DNAH12: variants seen among roughly 807,000 people sequenced by gnomAD.
The protein encoded by DNAH12 is dynein axonemal heavy chain 12.
DNAH12 carries 285 observed loss-of-function variants against 371.5 expected under a neutral mutation model. The observed-to-expected ratio is 0.77, with a 90% confidence interval of 0.70 to 0.85. The LOEUF is 0.85. Among genes scored for constraint, DNAH12 ranks in the 40% least tolerant of loss-of-function variants. The pLI is 0.00. For synonymous variants in DNAH12, 1,200 were observed against 1,213.0 expected, an observed-to-expected ratio of 0.99 and a Z score of 0.22; for missense variants, 3,611 against 3,689.4, an observed-to-expected ratio of 0.98 and a Z score of 0.55.
At chr3:57,302,564 TGTA>T (rs1264422650) in intron 69 of DNAH12, among the ~76,000 whole-genome samples, 39 of 84,192 alleles carry the variant, frequency 4.6e-4, no homozygotes, top group Non-Finnish European at 5.9e-4. Flanking sequence ...TATATATATA[TGTA>T]TTTTTTTTTT....
At chr3:57,545,161 C>CTTTT (rs573945458), upstream of DNAH12, among the ~76,000 whole-genome samples, 1 of 136,538 alleles carries the variant, frequency 7.3e-6, no homozygotes. Flanking sequence ...AATAATGTGA[C>CTTTT]TTTTTTTTTT....
Position 57,540,207 on chromosome 3 carries a change from C to T in DNAH12, c.170+2494G>A, listed in dbSNP as rs149171969. On this transcript the variant is annotated intron_variant, in intron 2 of 73. Transcript: ENST00000495027. ...CTGGGATTACAGATGCCCGCCAAGACGCCTGGCTAATTTTTGTATTTTTAG... is the reference window on the plus strand; with the variant it reads ...CTGGGATTACAGATGCCCGCCAAGATGCCTGGCTAATTTTTGTATTTTTAG... Among the ~76,000 whole-genome samples the T allele has an allele frequency of 3.2e-3, 493 of 152,070 alleles. 3 individuals are homozygous for T. Among genetic ancestry groups the T allele is most frequent in the Middle Eastern group, 0.014 (4 of 294 alleles).
chr3:57,319,672 C>T (rs1282941993), intron 65 of DNAH12, among the ~76,000 whole-genome samples: 1 of 152,122 alleles, frequency 6.6e-6, no homozygotes, highest in African/African-American at 2.4e-5. Flanking sequence ...CTCCACCTCA[C>T]AGGCTCAAGC....
chr3:57,508,580 A>C (rs1334588656), intron 6 of DNAH12, 40 bp from the exon 7 acceptor site: 1 of 1,583,680 alleles, frequency 6.3e-7, no homozygotes, highest in South Asian at 1.2e-5. Context: ...GATGAAAATA[A>C]TACACCCTAA....
intron 17 of DNAH12, among the ~76,000 whole-genome samples, chr3:57,464,671 T>A (rs141490652): frequency 2.0e-5 from 3 of 152,278 alleles, no homozygotes; most frequent in East Asian, 3.9e-4. Context: ...TAACTGACTC[T>A]AACCAGACAG....
At chr3:57,361,757 A>C (rs1409792344) in intron 58 of DNAH12, among the ~76,000 whole-genome samples, 2 of 151,996 alleles carry the variant, frequency 1.3e-5, no homozygotes, top group African/African-American at 2.4e-5. Context: ...GAATGAACCC[A>C]AGTATCCTGC....
intron 62 of DNAH12, among the ~76,000 whole-genome samples, chr3:57,327,548 A>G (rs1404829374): frequency 6.6e-6 from 1 of 152,208 alleles, no homozygotes; most frequent in East Asian, 1.9e-4. Context: ...TCTCTGGGAC[A>G]CATTCAAAGC....
intron 2 of DNAH12, among the ~76,000 whole-genome samples, chr3:57,533,907 G>A (rs2068936994): frequency 6.6e-6 from 1 of 152,216 alleles, no homozygotes; most frequent in Non-Finnish European, 1.5e-5. Context: ...CACTGGATCT[G>A]AGCTCAGCTC....
chr3:57,477,784 A>C (rs553637272), intron 13 of DNAH12, among the ~76,000 whole-genome samples: 2 of 152,352 alleles, frequency 1.3e-5, no homozygotes, highest in African/African-American at 4.8e-5. Context: ...GCTGTTCTGC[A>C]GCAACCGCTG....
chr3:57,498,891 C>G (rs2067409039), intron 11 of DNAH12, among the ~76,000 whole-genome samples: 1 of 151,894 alleles, frequency 6.6e-6, no homozygotes, highest in African/African-American at 2.4e-5. Context: ...CCCAGCTACT[C>G]GGGCGGCTGA....
At chr3:57,485,733 T>C (rs911115756) in intron 12 of DNAH12, among the ~76,000 whole-genome samples, 4 of 152,082 alleles carry the variant, frequency 2.6e-5, no homozygotes, top group Non-Finnish European at 5.9e-5. Context: ...AACTCAGGAA[T>C]GGAAAACCAA....
At chr3:57,402,399 T>A (rs374905703) in intron 43 of DNAH12, 1 of 1,304,840 alleles carries the variant, frequency 7.7e-7, no homozygotes, top group African/African-American at 1.5e-5. Context: ...CACTCCACTA[T>A]CCTGTTGGTC....
At chr3:57,406,055 A>G in intron 40 of DNAH12, 103 bp from the exon 41 acceptor site, 2 of 1,272,418 alleles carry the variant, frequency 1.6e-6, no homozygotes, top group Admixed American at 2.6e-5. Context: ...ACTCTGTCAG[A>G]TTATATGGGC....
At position 57,428,606 on chromosome 3, in the gene DNAH12, G is replaced by C. The variant is rs1024140968; in HGVS notation, c.5253+27C>G. The C allele has an allele frequency of 5.9e-6, 9 of 1,513,840 alleles. No homozygotes were observed. In the Admixed American group the frequency reaches 9.9e-5, roughly 17 times the overall value. The allele number at this position is 1,513,840 out of a possible 1,614,324, so 93.8% of individuals were successfully genotyped here. A position where few individuals can be genotyped will look rare whatever the true frequency, so the allele number is the denominator to read the frequency against. The stretch of plus-strand genomic sequence containing the variant: ...AAGTTGAATGGAAACAAAGAAACTT[G>C]AATAGGTCAGAGAATTATAGGATTA... On this transcript the variant is annotated intron_variant, in intron 34 of 73. Transcript: ENST00000495027.
the DNAH12 span, among the ~76,000 whole-genome samples, chr3:57,555,252 AAAAAT>A: frequency 3.9e-5 from 6 of 152,326 alleles, no homozygotes; most frequent in East Asian, 1.9e-4. Flanking sequence ...TAAAAAATAA[AAAAAT>A]AAAATAAACA....
intron 39 of DNAH12, among the ~76,000 whole-genome samples, chr3:57,412,003 A>G (rs1553683197): frequency 6.6e-6 from 1 of 152,220 alleles, no homozygotes; most frequent in African/African-American, 2.4e-5. Flanking sequence ...CAGAATAGAG[A>G]GCCCAGATAT....
intron 32 of DNAH12, 80 bp from the exon 33 acceptor site, chr3:57,429,854 A>G (rs1251765587): frequency 8.6e-7 from 1 of 1,164,588 alleles, no homozygotes; most frequent in African/African-American, 1.6e-5. Flanking sequence ...TGTATAAAAT[A>G]AAGTAGCTCC....
At chr3:57,511,086 T>TG in intron 4 of DNAH12, 107 bp from the exon 5 acceptor site, 3 of 752,820 alleles carry the variant, frequency 4.0e-6, no homozygotes, top group Non-Finnish European at 5.8e-6. Flanking sequence ...AAAAATATTC[T>TG]GAAAAATAAC....
intron 38 of DNAH12, among the ~76,000 whole-genome samples, chr3:57,414,543 G>T (rs574134944): frequency 6.6e-6 from 1 of 151,886 alleles, no homozygotes; most frequent in East Asian, 1.9e-4. Flanking sequence ...CTCCTCCCCC[G>T]CTCCACTCTC....
Sources: gnomAD v4.1 joint callset for allele counts (sites outside exome capture counted in the v4.1 genomes callset) on GRCh38, gnomAD v4.1.1 for gene constraint, MANE v1.5 for transcripts, NCBI Gene and HGNC (gene_info 2026-07-23, HGNC 2026-07-21) for gene names.